ADGRL2: variants seen among roughly 807,000 people sequenced by gnomAD.
ADGRL2 encodes the protein calcium-independent alpha-latrotoxin receptor 2.
Under a neutral mutation model 157.4 loss-of-function variants are expected in ADGRL2, and 44 were observed. The ratio of observed to expected loss-of-function variants is 0.28; its 90% confidence interval spans 0.22 to 0.36. The LOEUF (loss-of-function observed/expected upper bound fraction) is 0.36, where lower values mean the gene tolerates loss of function less well. ADGRL2 is among the 10% of genes least tolerant of loss of function. The pLI is 1.00. For missense variants in ADGRL2, 1,510 were observed against 1,768.9 expected, an observed-to-expected ratio of 0.85 and a Z score of 2.63; for synonymous variants, 585 against 624.7, an observed-to-expected ratio of 0.94 and a Z score of 0.95.
In ADGRL2 at chr1:81,776,752, A is replaced by G. The variant is rs369610358; in HGVS notation, c.-101+14900A>G. ...TGGTGGGAGAAATCTTCTATAGAGG[A>G]TAAGTTAACAGGAACTGGAGAAAGA... On this transcript the variant is annotated intron_variant, in intron 2 of 20. Transcript: ENST00000359929. Among the ~76,000 whole-genome samples, 3 of 152,200 alleles carry G rather than the reference A, an allele frequency of 2.0e-5. No homozygotes were observed. The East Asian group carries it at 5.8e-4, about 29-fold the overall frequency.
chr1:81,528,288 C>G lies in ADGRL2; in HGVS notation c.-247-52588C>G, dbSNP rs1434587155. Among the ~76,000 whole-genome samples, 4 of 152,224 alleles carry G rather than the reference C, an allele frequency of 2.6e-5. No homozygotes were observed. In the East Asian group the frequency reaches 7.7e-4, roughly 29 times the overall value. The stretch of plus-strand genomic sequence containing the variant: ...GAAAAGAAGCAAGATACAACTGGTG[C>G]CAAAATGAGTGATCCCATGAGTGCT... On this transcript the variant is annotated intron_variant, in intron 2 of 24. Coordinates refer to the ADGRL2 transcript ENST00000370721.
chr1:81,955,798 A>G (rs1557993326), intron 10 of ADGRL2, 79 bp from the exon 11 acceptor site: 13 of 808,764 alleles, frequency 1.6e-5, no homozygotes, highest in South Asian at 9.7e-5. Context: ...AAATATTACA[A>G]TTGTCACTCA....
intron 1 of ADGRL2, among the ~76,000 whole-genome samples, chr1:81,443,375 A>G (rs2077543835): frequency 6.6e-6 from 1 of 151,942 alleles, no homozygotes; most frequent in South Asian, 2.1e-4. Flanking sequence ...CCCAGGAGGC[A>G]GAGGTGAGCC....
chr1:81,866,058 C>T (rs1361490678), intron 2 of ADGRL2, among the ~76,000 whole-genome samples: 1 of 152,162 alleles, frequency 6.6e-6, no homozygotes, highest in Non-Finnish European at 1.5e-5. Flanking sequence ...TAAAATCGAA[C>T]CTTCCTTTCT....
At chr1:81,428,632 T>C (rs2077263744) in intron 1 of ADGRL2, among the ~76,000 whole-genome samples, 1 of 152,094 alleles carries the variant, frequency 6.6e-6, no homozygotes, top group East Asian at 1.9e-4. Flanking sequence ...AAAGGATTTT[T>C]AGGGGAGGTG....
chr1:81,527,643 C>G (rs2079493099), intron 2 of ADGRL2, among the ~76,000 whole-genome samples: 2 of 151,800 alleles, frequency 1.3e-5, no homozygotes, highest in African/African-American at 4.8e-5. Context: ...ACCCGGGAGG[C>G]GGAGGTTGCA....
intron 1 of ADGRL2, among the ~76,000 whole-genome samples, chr1:81,760,515 A>G (rs1263160996): frequency 6.6e-6 from 1 of 152,034 alleles, no homozygotes; most frequent in Non-Finnish European, 1.5e-5. Context: ...TTCTCTTTTA[A>G]TAATCAAATA....
intron 1 of ADGRL2, among the ~76,000 whole-genome samples, chr1:81,424,337 C>T (rs544240350): frequency 9.8e-5 from 15 of 152,310 alleles, no homozygotes; most frequent in South Asian, 6.2e-4. Context: ...ATTCCATGTT[C>T]GTCTGTAAAA....
chr1:81,806,652 A>C (rs930350769), intron 1 of ADGRL2, among the ~76,000 whole-genome samples: 1 of 152,092 alleles, frequency 6.6e-6, no homozygotes, highest in Non-Finnish European at 1.5e-5. Flanking sequence ...ACTTTTGTGA[A>C]TATTCAAATA....
At chr1:81,777,503 G>T (rs1285064718) in intron 2 of ADGRL2, among the ~76,000 whole-genome samples, 1 of 152,174 alleles carries the variant, frequency 6.6e-6, no homozygotes, top group Non-Finnish European at 1.5e-5. Flanking sequence ...GGGCATGGTG[G>T]CTCACACCTG....
rs185648893 is a variant in ADGRL2 at position 81,379,994 on chromosome 1, C to A, written c.-301-65042C>A. Among the ~76,000 whole-genome samples, 1,026 of 152,268 alleles carry A rather than the reference C, an allele frequency of 6.7e-3. 8 individuals are homozygous for A. The highest frequency in any genetic ancestry group is 7.1e-3 in the Admixed American group (108 of 15,298). On this transcript the variant is annotated intron_variant, in intron 1 of 24. Transcript: ENST00000370721. Reference sequence around the variant, plus strand: ...CCCTCTTCTGTATCATTTAAACGGACGTGTCCTTCCCTTCCCAGCACTCCC... The same window carrying A: ...CCCTCTTCTGTATCATTTAAACGGAAGTGTCCTTCCCTTCCCAGCACTCCC...
At chr1:81,506,074 C>A (rs570264139) in intron 2 of ADGRL2, 2 of 165,284 alleles carry the variant, frequency 1.2e-5, no homozygotes, top group Admixed American at 1.2e-4. Flanking sequence ...GGCAGAGCAA[C>A]CAAAACTGTG....
At chr1:81,626,716 C>A (rs918352404) in intron 3 of ADGRL2, among the ~76,000 whole-genome samples, 42 of 152,336 alleles carry the variant, frequency 2.8e-4, no homozygotes, top group South Asian at 2.1e-4. Flanking sequence ...ATGTGGGAGA[C>A]ACTCTGAGGC....
chr1:81,536,067 G>A (rs2079730328), intron 2 of ADGRL2, among the ~76,000 whole-genome samples: 1 of 152,128 alleles, frequency 6.6e-6, no homozygotes, highest in Non-Finnish European at 1.5e-5. Context: ...ACATTGAGCT[G>A]CAAAATATAG....
At chr1:81,932,122 T>C (rs2095242212) in intron 3 of ADGRL2, among the ~76,000 whole-genome samples, 1 of 152,210 alleles carries the variant, frequency 6.6e-6, no homozygotes, top group African/African-American at 2.4e-5. Context: ...CAATGGGTCA[T>C]ATTTTTCTGT....
intron 2 of ADGRL2, among the ~76,000 whole-genome samples, chr1:81,843,553 A>G (rs1255556708): frequency 6.6e-6 from 1 of 152,206 alleles, no homozygotes; most frequent in Admixed American, 6.6e-5. Flanking sequence ...CTCCATAGGT[A>G]GCGATAATTC....
At chr1:81,731,651 A>G (rs931073946) in intron 1 of ADGRL2, among the ~76,000 whole-genome samples, 8 of 152,168 alleles carry the variant, frequency 5.3e-5, no homozygotes, top group African/African-American at 1.9e-4. Flanking sequence ...CGTCTTGATA[A>G]TGCTTTGCTT....
chr1:81,528,646 C>CAAAAAAA (rs59842382), intron 2 of ADGRL2, among the ~76,000 whole-genome samples: 328 of 114,566 alleles, frequency 2.9e-3, no homozygotes, highest in African/African-American at 3.7e-3. Context: ...GACTCCATCT[C>CAAAAAAA]AAAAAAAAAA....
intron 1 of ADGRL2, among the ~76,000 whole-genome samples, chr1:81,705,034 T>C (rs190838926): frequency 3.3e-5 from 5 of 152,198 alleles, no homozygotes; most frequent in East Asian, 1.9e-4. Flanking sequence ...AACAGTGTTG[T>C]TGTTTTCTTT....
Sources: allele counts gnomAD v4.1 joint callset (sites outside exome capture counted in the v4.1 genomes callset), GRCh38; gene constraint gnomAD v4.1.1; transcripts MANE v1.5; gene names NCBI Gene and HGNC (gene_info 2026-07-23, HGNC 2026-07-21).